Variants in RELN observed in about 807,000 individuals in gnomAD.
RELN encodes reelin.
A neutral mutation model predicts 427.6 loss-of-function variants in RELN; 108 were observed. That is an observed-to-expected ratio of 0.25 (90% CI 0.22 to 0.30). The LOEUF is 0.30. Ranked by LOEUF, RELN falls within the 10% of genes least tolerant of loss-of-function variation. The probability of loss-of-function intolerance (pLI) is 1.00; values close to 1 mark genes in which losing one functional copy is unlikely to be tolerated. For missense variants in RELN, 3,715 were observed against 4,302.8 expected, an observed-to-expected ratio of 0.86 and a Z score of 3.82; for synonymous variants, 1,524 against 1,513.4, an observed-to-expected ratio of 1.01 and a Z score of -0.16.
At chr7:103,777,621 T>C (rs995339678) in intron 3 of RELN, among the ~76,000 whole-genome samples, 1 of 152,136 alleles carries the variant, frequency 6.6e-6, no homozygotes, top group African/African-American at 2.4e-5. Flanking sequence ...CTTCCTTCGG[T>C]CAACATCTTG....
intron 3 of RELN, among the ~76,000 whole-genome samples, chr7:103,819,199 A>G (rs1444987124): frequency 6.6e-6 from 1 of 151,944 alleles, no homozygotes; most frequent in Non-Finnish European, 1.5e-5. Context: ...ATTTTAAAAT[A>G]AGTTTTACTG....
chr7:103,787,877 AC>A (rs771553711), intron 3 of RELN, among the ~76,000 whole-genome samples: 1 of 152,138 alleles, frequency 6.6e-6, no homozygotes, highest in African/African-American at 2.4e-5. Flanking sequence ...CAGAGACACA[AC>A]AAAAAAAGAA....
At chr7:103,498,406 C>A (rs1828908891) in intron 53 of RELN, among the ~76,000 whole-genome samples, 154 bp from the exon 54 acceptor site, 1 of 152,134 alleles carries the variant, frequency 6.6e-6, no homozygotes. Flanking sequence ...TTTCCACAAT[C>A]TTTTTTCCTG....
intron 28 of RELN, among the ~76,000 whole-genome samples, chr7:103,588,292 C>T (rs1696209185): frequency 1.3e-5 from 2 of 152,046 alleles, no homozygotes; most frequent in Admixed American, 1.3e-4. Context: ...ATTGCATATT[C>T]TCAGTTATAT....
At chr7:103,895,356 A>G (rs1166251074) in intron 2 of RELN, among the ~76,000 whole-genome samples, 1 of 152,080 alleles carries the variant, frequency 6.6e-6, no homozygotes, top group Non-Finnish European at 1.5e-5. Context: ...ATGGGGGCCC[A>G]TTAAAATTTC....
In RELN at chr7:103,561,823, C is replaced by T. The variant is rs777179415; in HGVS notation, c.5341G>A (p.Gly1781Arg). The T allele has an allele frequency of 4.3e-6, 7 of 1,613,958 alleles. No individual in the cohort carries two copies. In the South Asian group the frequency reaches 7.7e-5, roughly 18 times the overall value. Residue 1781 changes from glycine (G) to arginine (R), a missense_variant, in exon 35 of 65, where the codon GGA becomes AGA. Gly to Arg is a moderately radical substitution (Grantham distance 125, BLOSUM62 -2). Coordinates refer to ENST00000428762, the MANE Select transcript of RELN (RefSeq NM_005045.4). ...MCSGRGICDA[G>R]RCVCDRGFGG... ...GTTTTATTAACTTACACACAGCGTCCAGCATCACAAATCCCTCGTCCTGAG... is the reference window on the plus strand; with the variant it reads ...GTTTTATTAACTTACACACAGCGTCTAGCATCACAAATCCCTCGTCCTGAG...
chr7:103,568,143 C>G (rs1302862892), intron 31 of RELN, among the ~76,000 whole-genome samples: 1 of 152,160 alleles, frequency 6.6e-6, no homozygotes, highest in Non-Finnish European at 1.5e-5. Context: ...CTATACACAA[C>G]CTTTCTGTTT....
chr7:103,472,904 G>T lies in RELN; in HGVS notation c.10291C>A (p.Arg3431Ser). 6.2e-7 allele frequency: 1 copy of T among 1,613,412 alleles called. No individual in the cohort carries two copies. Among genetic ancestry groups the T allele is most frequent in the South Asian group, 1.1e-5 (1 of 91,058 alleles). Residue 3431 changes from arginine (R) to serine (S), a missense_variant, in exon 65 of 65, where the codon CGC becomes AGC. By Grantham distance (110) the Arg-to-Ser change is moderately radical. Around this residue, in one of 4 missense-constraint regions of RELN, gnomAD observed 195 missense variants for 281.3 expected, o/e 0.69. Transcript: ENST00000428762. ...DHVEVVLVST[R>S]KQNYMMNFSR... ...AAATTCATCATGTAATTTTGTTTGC[G>T]AGTGCTGTTAAAATCAAACAGGATA... is the stretch of plus-strand genomic sequence containing the variant.
chr7:103,615,649 C>A (rs893207583), intron 20 of RELN, among the ~76,000 whole-genome samples: 2 of 152,068 alleles, frequency 1.3e-5, no homozygotes, highest in Admixed American at 6.6e-5. Context: ...GAGTTGCTAG[C>A]CTCAGGGTCA....
At chr7:103,508,199 C>T (rs1829280008) in intron 51 of RELN, among the ~76,000 whole-genome samples, 1 of 152,164 alleles carries the variant, frequency 6.6e-6, no homozygotes, top group South Asian at 2.1e-4. Context: ...CCAGCATCAT[C>T]CTGCTACCAA....
In RELN at chr7:103,490,813, G is replaced by C; in HGVS notation, c.9460C>G (p.Leu3154Val). Residue 3154 changes from leucine to valine, a missense_variant, in exon 59 of 65, where the codon CTC becomes GTC. Coordinates refer to ENST00000428762, the MANE Select transcript of RELN (RefSeq NM_005045.4). Reference protein sequence around the residue: ...TKDARSDSWQLVQTQCLPSSS... With the variant: ...TKDARSDSWQVVQTQCLPSSS... The stretch of plus-strand genomic sequence containing the variant: ...GAAGGAAGGCACTGGGTCTGTACGA[G>C]CTGCCAGGAATCCGATCTGCAGAAA... 6.2e-7 allele frequency: 1 copy of C among 1,614,156 alleles called. No homozygotes were observed. The highest frequency in any genetic ancestry group is 8.5e-7 in the Non-Finnish European group (1 of 1,180,024).
At chr7:103,687,407 A>G (rs1833785844) in intron 10 of RELN, among the ~76,000 whole-genome samples, 1 of 152,136 alleles carries the variant, frequency 6.6e-6, no homozygotes, top group African/African-American at 2.4e-5. Context: ...AGTTAGAGCT[A>G]TTTGATCTTG....
rs1584289441 is a variant in RELN at position 103,553,467 on chromosome 7, T to C, written c.6066A>G (p.Gln2022=). ...ATAGAACAAAGTCAAGTACCTCAAA[T>C]TGTATGATGGTGTTCTCATTCACAT... ...DLNVNENTII[Q]FEINVGCSTD... is the part of the protein sequence containing the mutation. The change falls in exon 40 of 65, where the codon CAA becomes CAG. Residue 2022 remains glutamine (Q), a synonymous_variant. Transcript: ENST00000428762. 6.2e-7 allele frequency: 1 copy of C among 1,610,592 alleles called. No individual in the cohort carries two copies. Among genetic ancestry groups the C allele is most frequent in the Non-Finnish European group, 8.5e-7 (1 of 1,176,820 alleles).
intron 20 of RELN, among the ~76,000 whole-genome samples, chr7:103,612,894 T>G (rs778324988): frequency 6.6e-6 from 1 of 152,192 alleles, no homozygotes; most frequent in Non-Finnish European, 1.5e-5. Context: ...ACATATTATA[T>G]TGTAGTTACA....
chr7:103,489,851 T>G lies in RELN; in HGVS notation c.9654A>C (p.Gln3218His). The G allele has an allele frequency of 6.2e-7, 1 of 1,614,160 alleles. No individual in the cohort carries two copies. ...WIQKGEETEK[Q>H]SWAIDHVYIG... ...TGTACACGTGGTCAATTGCCCAGCT[T>G]TGCTTCTCAGTTTCTTCTCCCTTCT... Residue 3218 changes from glutamine (Q) to histidine (H), a missense_variant, in exon 60 of 65, where the codon CAA becomes CAC. Around this residue, in one of 4 missense-constraint regions of RELN, gnomAD observed 1,310 missense variants for 1,643.0 expected, o/e 0.80. Transcript: ENST00000428762.
rs1791299583 is a variant in RELN, at chr7:103,761,582, A to G, written c.545-8368T>C. Among the ~76,000 whole-genome samples, 4 of 151,910 alleles carry G rather than the reference A, an allele frequency of 2.6e-5. No individual in the cohort carries two copies. In the South Asian group the frequency reaches 8.4e-4, roughly 32 times the overall value. ...ATCCTCCTGCCTCAGCCTCCCAAGA[A>G]GCTGGGACTACAGGCATACAGCACC... On this transcript the variant is annotated intron_variant, in intron 4 of 64. Coordinates refer to ENST00000428762, the MANE Select transcript of RELN (RefSeq NM_005045.4).
intron 1 of RELN, among the ~76,000 whole-genome samples, chr7:103,973,428 C>T (rs4358742): frequency 0.53 from 81,153 of 151,890 alleles, 21,969 homozygotes; most frequent in African/African-American, 0.63. Context: ...TAGGAAAAGA[C>T]GCTCTCAGCA....
chr7:103,790,048 G>A (rs1584494488), intron 3 of RELN, among the ~76,000 whole-genome samples: 1 of 152,154 alleles, frequency 6.6e-6, no homozygotes, highest in East Asian at 1.9e-4. Flanking sequence ...CATGGATGAA[G>A]CTGGAAACCA....
chr7:103,734,866 G>GT (rs1289571400), intron 6 of RELN, among the ~76,000 whole-genome samples: 2 of 152,078 alleles, frequency 1.3e-5, no homozygotes, highest in Admixed American at 6.6e-5. Context: ...CTTAAAAACT[G>GT]TTTTTTCAAT....
Sources: allele counts gnomAD v4.1 joint callset (sites outside exome capture counted in the v4.1 genomes callset), GRCh38; gene constraint gnomAD v4.1.1; regional missense constraint gnomAD v4.1.1; transcripts MANE v1.5; gene names NCBI Gene and HGNC (gene_info 2026-07-23, HGNC 2026-07-21).